TNNI3K: variants seen among roughly 807,000 people sequenced by gnomAD.
TNNI3K encodes serine/threonine-protein kinase TNNI3K.
TNNI3K carries 140 observed loss-of-function variants against 114.5 expected under a neutral mutation model. The ratio of observed to expected loss-of-function variants is 1.22; its 90% confidence interval spans 1.07 to 1.41. TNNI3K has a LOEUF of 1.41. TNNI3K is among the 40% of genes most tolerant of loss of function. The probability of loss-of-function intolerance (pLI) is 0.00; values close to 1 mark genes in which losing one functional copy is unlikely to be tolerated. For synonymous variants in TNNI3K, 347 were observed against 347.5 expected (o/e 1.00, Z 0.02); for missense variants, 1,125 against 1,007.6 (o/e 1.12, Z -1.58).
intron 20 of TNNI3K, among the ~76,000 whole-genome samples, chr1:74,453,748 A>T (rs1437878419): frequency 1.3e-5 from 2 of 152,250 alleles, no homozygotes; most frequent in East Asian, 3.9e-4. Context: ...AATCAAAAAG[A>T]TCAAATGCCC....
intron 21 of TNNI3K, among the ~76,000 whole-genome samples, chr1:74,478,082 T>G (rs1159412076): frequency 6.6e-6 from 1 of 152,164 alleles, no homozygotes; most frequent in Non-Finnish European, 1.5e-5. Context: ...AAGAAGAAAA[T>G]GGTCTCATAG....
chr1:74,394,041 A>G (rs1663942361), intron 17 of TNNI3K, among the ~76,000 whole-genome samples: 1 of 152,204 alleles, frequency 6.6e-6, no homozygotes. Flanking sequence ...GTGAAACTCT[A>G]TTGATTTATT....
At chr1:74,495,698 A>T (rs1463539462) in intron 23 of TNNI3K, among the ~76,000 whole-genome samples, 1 of 152,164 alleles carries the variant, frequency 6.6e-6, no homozygotes, top group Non-Finnish European at 1.5e-5. Context: ...ATGGAGAGTA[A>T]GTAAGCAAAG....
In TNNI3K at chr1:74,445,618, TTC is replaced by T. The variant is rs1463158273; in HGVS notation, c.2011+5998_2011+5999del. 1.1e-3 allele frequency among the ~76,000 whole-genome samples: 151 copies of T among 142,976 alleles called. 5 individuals are homozygous for T. The highest frequency in any genetic ancestry group is 1.2e-3 in the Non-Finnish European group (81 of 65,554). 93.8% of individuals were successfully genotyped at this position (142,976 alleles called of 152,430 possible). On this transcript the variant is annotated intron_variant, in intron 20 of 24. Transcript: ENST00000326637. ...TCCACATTTTCTTTTTTTTCTTTTT[TTC>T]TTTTTTTTGAGACGGAGTCTCGCTC...
intron 23 of TNNI3K, among the ~76,000 whole-genome samples, chr1:74,506,363 GC>G (rs1211195489): frequency 6.6e-6 from 1 of 152,136 alleles, no homozygotes; most frequent in African/African-American, 2.4e-5. Context: ...TAAATGGCCT[GC>G]CCAAGGCTTT....
chr1:74,317,791 GC>G (rs1282034939), intron 5 of TNNI3K, among the ~76,000 whole-genome samples: 2 of 152,150 alleles, frequency 1.3e-5, no homozygotes, highest in African/African-American at 2.4e-5. Context: ...ACCTGTGTCA[GC>G]CCTGGGCACT....
intron 17 of TNNI3K, among the ~76,000 whole-genome samples, chr1:74,394,407 T>C (rs892442602): frequency 2.2e-4 from 34 of 152,306 alleles, no homozygotes; most frequent in African/African-American, 8.2e-4. Context: ...TTTTATTTAC[T>C]ATATGAAGGA....
In TNNI3K at chr1:74,353,249, A is replaced by T. The variant is rs544628998; in HGVS notation, c.933-17A>T. 11 of 1,604,020 alleles carry T rather than the reference A, an allele frequency of 6.9e-6. No homozygotes were observed. Among genetic ancestry groups the T allele is most frequent in the Non-Finnish European group, 9.3e-6 (11 of 1,177,152 alleles). On this transcript the variant is annotated splice_polypyrimidine_tract_variant and intron_variant, in intron 9 of 24. Coordinates refer to ENST00000326637, the MANE Select transcript of TNNI3K (RefSeq NM_015978.3). ...AAGGACCTTCTATCTTTCTTGTTTT[A>T]TGGTTTTTTTTTTCAGTGCTTGTAC...
At chr1:74,472,403 A>G (rs1231990485) in intron 21 of TNNI3K, among the ~76,000 whole-genome samples, 1 of 152,200 alleles carries the variant, frequency 6.6e-6, no homozygotes, top group Non-Finnish European at 1.5e-5. Context: ...TTATGGTCAC[A>G]CTGCAGTCAG....
rs2100425256 is a variant in TNNI3K at position 74,336,118 on chromosome 1, A to C, written c.651A>C (p.Lys217Asn). 1 of 1,602,720 alleles carries C rather than the reference A, an allele frequency of 6.2e-7. No homozygotes were observed. Among genetic ancestry groups the C allele is most frequent in the South Asian group, 1.1e-5 (1 of 88,574 alleles). The stretch of plus-strand genomic sequence containing the variant: ...CAAAAGGATTCTTGAATATTGCAAA[A>C]CTCTTGATGGAAGAAGGCAGCAAAG... ...ASAKGFLNIA[K>N]LLMEEGSKAD... Residue 217 changes from lysine (K) to asparagine (N), a missense_variant, in exon 7 of 25, where the codon AAA becomes AAC. Coordinates refer to ENST00000326637, the MANE Select transcript of TNNI3K (RefSeq NM_015978.3).
chr1:74,439,765 A>G, intron 20 of TNNI3K, 143 bp downstream of exon 20: 1 of 1,324,262 alleles, frequency 7.6e-7, no homozygotes, highest in Non-Finnish European at 1.0e-6. Flanking sequence ...AAATTGTTTT[A>G]AGGTGTGTGC....
intron 17 of TNNI3K, among the ~76,000 whole-genome samples, chr1:74,396,578 C>T (rs1377321007): frequency 6.6e-6 from 1 of 152,198 alleles, no homozygotes; most frequent in Non-Finnish European, 1.5e-5. Context: ...GAAGGACAGC[C>T]ATGACCATTT....
rs1313836226 is a variant in TNNI3K at position 74,392,681 on chromosome 1, G to C, written c.1772+22289G>C. 4.6e-5 allele frequency among the ~76,000 whole-genome samples: 7 copies of C among 152,170 alleles called. No individual in the cohort carries two copies. In the South Asian group the frequency reaches 1.2e-3, roughly 27 times the overall value. ...GTTTTCCACACTCTTCCCACAACAG[G>C]CTTTGCAGTTTTTATTTTCTGAGAC... On this transcript the variant is annotated intron_variant, in intron 17 of 24. Transcript: ENST00000326637.
chr1:74,533,912 A>G (rs559198351), intron 23 of TNNI3K, among the ~76,000 whole-genome samples: 1 of 152,306 alleles, frequency 6.6e-6, no homozygotes, highest in South Asian at 2.1e-4. Context: ...TAGAAAGAGT[A>G]TGGAATGAAA....
chr1:74,342,919 C>A lies in TNNI3K; in HGVS notation c.760C>A (p.Leu254Met), dbSNP rs776973753. Residue 254 changes from leucine (L) to methionine (M), a missense_variant, in exon 8 of 25, where the codon CTG (leucine) becomes ATG (methionine). Coordinates refer to ENST00000326637, the MANE Select transcript of TNNI3K (RefSeq NM_015978.3). ...RFGHHDIVKY[L>M]LQSDLEVQPH... ...TGGACACCATGATATAGTTAAGTAT[C>A]TGCTGCAAAGTGATTTGGAAGTTCA... The A allele has an allele frequency of 6.2e-7, 1 of 1,613,898 alleles. No individual in the cohort carries two copies. The highest frequency in any genetic ancestry group is 8.5e-7 in the Non-Finnish European group (1 of 1,179,920).
intron 7 of TNNI3K, among the ~76,000 whole-genome samples, chr1:74,338,983 G>A (rs928700584): frequency 3.3e-5 from 5 of 152,008 alleles, no homozygotes; most frequent in Non-Finnish European, 5.9e-5. Flanking sequence ...ACACATAATC[G>A]TGTTTTTGAA....
chr1:74,449,348 C>G (rs1304874440), intron 20 of TNNI3K, among the ~76,000 whole-genome samples: 1 of 151,158 alleles, frequency 6.6e-6, no homozygotes, highest in African/African-American at 2.4e-5. Flanking sequence ...TTTGATTCTT[C>G]TCTCTTTTTT....
chr1:74,411,664 C>A (rs1664886499), intron 17 of TNNI3K, among the ~76,000 whole-genome samples: 1 of 152,094 alleles, frequency 6.6e-6, no homozygotes, highest in Non-Finnish European at 1.5e-5. Flanking sequence ...GAATAAGAAA[C>A]AATTGCTGCT....
chr1:74,300,339 C>A (rs1658247155), intron 5 of TNNI3K, among the ~76,000 whole-genome samples: 1 of 152,160 alleles, frequency 6.6e-6, no homozygotes, highest in South Asian at 2.1e-4. Context: ...CTATTTAAGT[C>A]ATTGTATCAG....
Sources: allele counts gnomAD v4.1 joint callset (sites outside exome capture counted in the v4.1 genomes callset), GRCh38; gene constraint gnomAD v4.1.1; transcripts MANE v1.5; gene names NCBI Gene and HGNC (gene_info 2026-07-23, HGNC 2026-07-21).